FHIP1A: variants seen among roughly 807,000 people sequenced by gnomAD.
The protein encoded by FHIP1A is FHF complex subunit HOOK-interacting protein 1A.
Under a neutral mutation model 88.6 loss-of-function variants are expected in FHIP1A, and 61 were observed. That is an observed-to-expected ratio of 0.69 (90% CI 0.56 to 0.85). The LOEUF (loss-of-function observed/expected upper bound fraction) is 0.85. Among genes scored for constraint, FHIP1A ranks in the 40% least tolerant of loss-of-function variants. FHIP1A has a pLI of 0.00. For missense variants in FHIP1A, 1,154 were observed against 1,273.5 expected (o/e 0.91, Z 1.43); for synonymous variants, 478 against 496.0 (o/e 0.96, Z 0.48).
Position 151,423,011 on chromosome 4 carries a change from CAA to C in FHIP1A, c.-356+13547_-356+13548del, listed in dbSNP as rs986842139. On this transcript the variant is annotated intron_variant, in intron 1 of 13. Transcript: ENST00000435205. The stretch of plus-strand genomic sequence containing the variant: ...TCTGCTTTCTAGCCGTGAGAGTGAT[CAA>C]TAACTATTAGTGTCTAATGATGACA... 4.3e-4 allele frequency among the ~76,000 whole-genome samples: 65 copies of C among 152,240 alleles called. No individual in the cohort carries two copies. The East Asian group carries it at 6.8e-3, about 16-fold the overall frequency.
rs532259938 is a variant in FHIP1A, at chr4:151,517,114, A to G, written c.-123+34466A>G. Among the ~76,000 whole-genome samples, 10 of 152,334 alleles carry G rather than the reference A, an allele frequency of 6.6e-5. No homozygotes were observed. The Middle Eastern group carries it at 0.01, about 155-fold the overall frequency. Reference sequence around the variant, plus strand: ...TGGCACATATGCACCATGGAATACTATGCAGCCATAAAAAATGATGAGTTC... The same window carrying G: ...TGGCACATATGCACCATGGAATACTGTGCAGCCATAAAAAATGATGAGTTC... On this transcript the variant is annotated intron_variant, in intron 3 of 13. Coordinates refer to ENST00000435205, the MANE Select transcript of FHIP1A (RefSeq NM_001109977.3).
At chr4:151,451,244 A>G (rs979168528) in intron 1 of FHIP1A, among the ~76,000 whole-genome samples, 3 of 151,832 alleles carry the variant, frequency 2.0e-5, no homozygotes, top group Non-Finnish European at 1.5e-5. Context: ...TAAAACTTTC[A>G]TTATGTACTA....
chr4:151,638,656 T>C, intron 8 of FHIP1A, 21 bp from the exon 9 acceptor site: 1 of 1,470,430 alleles, frequency 6.8e-7, no homozygotes, highest in Non-Finnish European at 9.3e-7. Context: ...TGAACTAGAA[T>C]GTGTGTCTCT....
chr4:151,552,097 CT>C (rs1732759225), intron 3 of FHIP1A, among the ~76,000 whole-genome samples: 1 of 152,340 alleles, frequency 6.6e-6, no homozygotes, highest in South Asian at 2.1e-4. Context: ...CACTGGTCAT[CT>C]GAGAAATGCA....
At chr4:151,580,844 T>C (rs1560780954) in intron 5 of FHIP1A, among the ~76,000 whole-genome samples, 1 of 151,906 alleles carries the variant, frequency 6.6e-6, no homozygotes, top group African/African-American at 2.4e-5. Flanking sequence ...CATGTTGAAT[T>C]ATTTATTTAT....
chr4:151,607,294 G>C (rs376307565), intron 7 of FHIP1A, among the ~76,000 whole-genome samples: 3 of 152,186 alleles, frequency 2.0e-5, no homozygotes, highest in African/African-American at 7.2e-5. Context: ...ACAATTGAAC[G>C]AGGTAATTAA....
chr4:151,440,452 A>G lies in FHIP1A; in HGVS notation c.-355-14249A>G, dbSNP rs1388775847. 2.0e-5 allele frequency among the ~76,000 whole-genome samples: 3 copies of G among 152,188 alleles called. No individual in the cohort carries two copies. The East Asian group carries it at 5.8e-4, about 29-fold the overall frequency. Reference sequence around the variant, plus strand: ...TTCAATTGTCTACTGGACAATTTCTAGTAGCTAGTCATCTCCAGTTCTTTT... The same window carrying G: ...TTCAATTGTCTACTGGACAATTTCTGGTAGCTAGTCATCTCCAGTTCTTTT... On this transcript the variant is annotated intron_variant, in intron 1 of 13. Transcript: ENST00000435205.
intron 3 of FHIP1A, among the ~76,000 whole-genome samples, chr4:151,556,227 A>G (rs958032749): frequency 2.6e-5 from 4 of 152,156 alleles, no homozygotes; most frequent in Admixed American, 2.0e-4. Flanking sequence ...TACTGCTGCT[A>G]ATTTCCTTAC....
chr4:151,588,899 A>G lies in FHIP1A; in HGVS notation c.951A>G (p.Val317=). 5 of 1,551,058 alleles carry G rather than the reference A, an allele frequency of 3.2e-6. No homozygotes were observed. The highest frequency in any genetic ancestry group is 3.5e-6 in the Non-Finnish European group (4 of 1,146,496). Residue 317 remains valine (V), a synonymous_variant, in exon 7 of 14, where the codon GTA becomes GTG. Transcript: ENST00000435205. ...ATTACATTTACAATGGATTTTTGGTACCAGTCTTGGCTCCTGCTCTCCATA... is the reference window on the plus strand; with the variant it reads ...ATTACATTTACAATGGATTTTTGGTGCCAGTCTTGGCTCCTGCTCTCCATA... ...LVNYIYNGFL[V]PVLAPALHKV...
At chr4:151,631,481 G>A (rs1253525827) in intron 8 of FHIP1A, among the ~76,000 whole-genome samples, 2 of 152,040 alleles carry the variant, frequency 1.3e-5, no homozygotes, top group Non-Finnish European at 2.9e-5. Flanking sequence ...ACAAAGAAAA[G>A]CCCAGACCCA....
At chr4:151,425,200 T>A (rs1733315932) in intron 1 of FHIP1A, among the ~76,000 whole-genome samples, 1 of 152,180 alleles carries the variant, frequency 6.6e-6, no homozygotes, top group East Asian at 1.9e-4. Context: ...ATCCTTTAGA[T>A]CTCACTACTC....
rs1737266458 is a variant in FHIP1A at position 151,656,906 on chromosome 4, A to C, written c.2869+8A>C. 1 of 1,546,294 alleles carries C rather than the reference A, an allele frequency of 6.5e-7. No individual in the cohort carries two copies. Among genetic ancestry groups the C allele is most frequent in the African/African-American group, 1.4e-5 (1 of 72,868 alleles). Reference sequence around the variant, plus strand: ...CTGCAGCACTAACCAAAGGTAAGCCAGGTTTCTCCACAGCGCCCCTCCTTA... The same window carrying C: ...CTGCAGCACTAACCAAAGGTAAGCCCGGTTTCTCCACAGCGCCCCTCCTTA... On this transcript the variant is annotated splice_region_variant and intron_variant, in intron 13 of 13. Transcript: ENST00000435205. This position sits in a 1 kb window ranked among gnomAD's most constrained non-coding sequence, Gnocchi z 4.2.
At chr4:151,604,873 TAATA>T (rs1231411115) in intron 7 of FHIP1A, among the ~76,000 whole-genome samples, 2 of 151,460 alleles carry the variant, frequency 1.3e-5, no homozygotes, top group South Asian at 2.1e-4. Flanking sequence ...CTAATAATAA[TAATA>T]AATAAATAAA....
intron 3 of FHIP1A, among the ~76,000 whole-genome samples, chr4:151,517,522 C>G (rs1297584099): frequency 1.3e-5 from 2 of 152,002 alleles, no homozygotes; most frequent in African/African-American, 4.8e-5. Context: ...GGTTGTCTTC[C>G]CAGCCCTTTT....
intron 7 of FHIP1A, among the ~76,000 whole-genome samples, chr4:151,596,772 T>C (rs1181675356): frequency 6.6e-6 from 1 of 152,228 alleles, no homozygotes; most frequent in Non-Finnish European, 1.5e-5. Flanking sequence ...TTTCATTAAG[T>C]TGATCTTCAA....
intron 7 of FHIP1A, among the ~76,000 whole-genome samples, chr4:151,598,609 C>CGT (rs1560791379): frequency 6.6e-6 from 1 of 152,142 alleles, no homozygotes; most frequent in Non-Finnish European, 1.5e-5. Context: ...CTGCCATCAG[C>CGT]GTAGGCAGTT....
chr4:151,476,960 A>C (rs1430207932), intron 2 of FHIP1A, among the ~76,000 whole-genome samples: 1 of 152,202 alleles, frequency 6.6e-6, no homozygotes, highest in African/African-American at 2.4e-5. Flanking sequence ...AAGGCGTTTA[A>C]AAATGCTCCT....
intron 7 of FHIP1A, among the ~76,000 whole-genome samples, chr4:151,608,717 A>T (rs1251011618): frequency 6.6e-6 from 1 of 152,144 alleles, no homozygotes; most frequent in Non-Finnish European, 1.5e-5. Context: ...TTAAGGATTC[A>T]GTTTTGTCTT....
At chr4:151,539,268 C>T (rs576495251) in intron 3 of FHIP1A, among the ~76,000 whole-genome samples, 1 of 152,248 alleles carries the variant, frequency 6.6e-6, no homozygotes, top group Non-Finnish European at 1.5e-5. Context: ...TTTGAGAATA[C>T]AACTGACTTC....
Sources: gnomAD v4.1 joint callset for allele counts (sites outside exome capture counted in the v4.1 genomes callset) on GRCh38, gnomAD v4.1.1 for gene constraint, Gnocchi (gnomAD v3.1) non-coding constraint, MANE v1.5 for transcripts, NCBI Gene and HGNC (gene_info 2026-07-23, HGNC 2026-07-21) for gene names.